Variants in TOGARAM2 observed in about 807,000 individuals in gnomAD.
TOGARAM2 encodes TOG array regulator of axonemal microtubules protein 2.
TOGARAM2 carries 85 observed loss-of-function variants against 93.3 expected under a neutral mutation model. That is an observed-to-expected ratio of 0.91 (90% CI 0.76 to 1.09). The LOEUF (loss-of-function observed/expected upper bound fraction) is 1.09, where lower values mean the gene tolerates loss of function less well. TOGARAM2 is among the 50% of genes least tolerant of loss of function. TOGARAM2 has a pLI of 0.00. For synonymous variants in TOGARAM2, 593 were observed against 552.8 expected (o/e 1.07, Z -1.02); for missense variants, 1,277 against 1,334.5 (o/e 0.96, Z 0.67).
At chr2:29,028,229 C>T (rs983663756) in intron 14 of TOGARAM2, among the ~76,000 whole-genome samples, 1 of 152,154 alleles carries the variant, frequency 6.6e-6, no homozygotes, top group African/African-American at 2.4e-5. Context: ...TGTCAGGGCT[C>T]CAGAGGCCAT....
chr2:29,052,023 AG>A lies in TOGARAM2; in HGVS notation c.2992del (p.Ala998ProfsTer?). The A allele has an allele frequency of 6.2e-7, 1 of 1,610,866 alleles. No homozygotes were observed. ...LDSESLGGSR[K>X]ATDRGVAPDS... ...TCAGAGTCCTTGGGAGGCAGCCGCA[AG>A]GCCACTGACAGAGGGGTGGCCCCTG... is the stretch of plus-strand genomic sequence containing the variant. On this transcript the variant is annotated frameshift_variant, in exon 20 of 20. Transcript: ENST00000379558. LOFTEE classifies it low-confidence loss of function (END_TRUNC).
intron 1 of TOGARAM2, among the ~76,000 whole-genome samples, chr2:28,986,361 C>T (rs1051903402): frequency 1.3e-5 from 2 of 152,252 alleles, no homozygotes; most frequent in Non-Finnish European, 2.9e-5. Context: ...GGCCCATCCA[C>T]CCCCAACCCG....
At chr2:28,997,562 G>C (rs1673054614) in intron 2 of TOGARAM2, among the ~76,000 whole-genome samples, 1 of 152,250 alleles carries the variant, frequency 6.6e-6, no homozygotes, top group Non-Finnish European at 1.5e-5. Flanking sequence ...GTCGCGGATA[G>C]AGGGTGTCTT....
intron 1 of TOGARAM2, among the ~76,000 whole-genome samples, chr2:28,957,338 G>T (rs1057034411): frequency 6.6e-6 from 1 of 151,876 alleles, no homozygotes; most frequent in African/African-American, 2.4e-5. Context: ...CCGCCACCAC[G>T]CCTGGCTCAT....
chr2:29,017,766 T>C (rs1168463146), intron 9 of TOGARAM2, 26 bp from the exon 10 acceptor site: 3 of 1,585,180 alleles, frequency 1.9e-6, no homozygotes, highest in Non-Finnish European at 2.6e-6. Flanking sequence ...ACCTGCCTAG[T>C]CCTAGGACTT....
At chr2:29,013,501 C>T (rs1214715493) in intron 7 of TOGARAM2, among the ~76,000 whole-genome samples, 1 of 152,202 alleles carries the variant, frequency 6.6e-6, no homozygotes, top group Non-Finnish European at 1.5e-5. Context: ...GGGACGCCAA[C>T]AGTGCAGCCT....
In TOGARAM2 at chr2:28,956,615, G is replaced by A. The variant is rs960151348; in HGVS notation, c.-229G>A. The A allele has an allele frequency of 6.6e-6, 1 of 152,162 alleles. No individual in the cohort carries two copies. Among genetic ancestry groups the A allele is most frequent in the Non-Finnish European group, 1.5e-5 (1 of 68,036 alleles). 9.4% of individuals were successfully genotyped at this position (152,162 alleles called of 1,614,324 possible). A position where few individuals can be genotyped will look rare whatever the true frequency, so the allele number is the denominator to read the frequency against. ...CCATTCCCTGATCGATAGATGCTTG[G>A]GGTGCTTCCTGTTTCTCAGTAAAGT... On this transcript the variant is annotated 5_prime_UTR_variant, in exon 1 of 7. Coordinates refer to the TOGARAM2 transcript ENST00000401723. This position sits in a 1 kb window ranked among gnomAD's most constrained non-coding sequence, Gnocchi z 4.5.
intron 1 of TOGARAM2, among the ~76,000 whole-genome samples, chr2:28,989,037 T>A (rs1242358564): frequency 6.6e-6 from 1 of 152,216 alleles, no homozygotes; most frequent in Non-Finnish European, 1.5e-5. Context: ...GGGCACTCTC[T>A]TGTGGTCAGG....
intron 1 of TOGARAM2, among the ~76,000 whole-genome samples, chr2:28,984,413 G>C (rs998040341): frequency 2.6e-5 from 4 of 152,180 alleles, no homozygotes; most frequent in African/African-American, 9.7e-5. Context: ...GCTTCTTGCA[G>C]GGAGGCCTTT....
chr2:28,969,488 A>G (rs1017427067), intron 1 of TOGARAM2, among the ~76,000 whole-genome samples: 6 of 152,232 alleles, frequency 3.9e-5, no homozygotes, highest in East Asian at 1.9e-4. Context: ...AGGAGGCCCA[A>G]TGGGACTTGG....
intron 18 of TOGARAM2, among the ~76,000 whole-genome samples, chr2:29,043,314 G>C (rs1666545827): frequency 6.6e-6 from 1 of 152,168 alleles, no homozygotes; most frequent in Non-Finnish European, 1.5e-5. Context: ...TTTCTCCTCT[G>C]TATCCCTCAG....
intron 10 of TOGARAM2, among the ~76,000 whole-genome samples, chr2:29,020,131 C>T (rs546208971): frequency 5.9e-5 from 9 of 152,300 alleles, no homozygotes; most frequent in South Asian, 2.1e-4. Context: ...AAGCTGATCC[C>T]GACTGGCTAC....
chr2:29,007,411 T>C (rs893522088), intron 6 of TOGARAM2, among the ~76,000 whole-genome samples: 1 of 152,122 alleles, frequency 6.6e-6, no homozygotes, highest in Admixed American at 6.5e-5. Context: ...CTCAGTGTCA[T>C]CTTTGACCCT....
At chr2:29,041,110 C>T (rs759986512) in intron 18 of TOGARAM2, among the ~76,000 whole-genome samples, 14 of 151,428 alleles carry the variant, frequency 9.2e-5, no homozygotes, top group South Asian at 2.1e-4. Flanking sequence ...CTGCAACCTC[C>T]GCCTCCTGGG....
intron 1 of TOGARAM2, among the ~76,000 whole-genome samples, chr2:28,963,283 C>A (rs1327839988): frequency 3.3e-5 from 5 of 152,108 alleles, no homozygotes; most frequent in Admixed American, 3.3e-4. Context: ...TAATTTTGTT[C>A]TAAGAGAACA....
intron 6 of TOGARAM2, among the ~76,000 whole-genome samples, chr2:29,006,412 T>G (rs1222291493): frequency 5.3e-5 from 5 of 94,586 alleles, no homozygotes; most frequent in Admixed American, 1.2e-4. Context: ...GCATGTGTGT[T>G]CATGTGTATC....
At chr2:29,024,413 G>A in intron 13 of TOGARAM2, 39 bp downstream of exon 13, 1 of 1,560,104 alleles carries the variant, frequency 6.4e-7, no homozygotes, top group South Asian at 1.2e-5. Context: ...GGGGAAGTCA[G>A]GGAAGGTAAG....
At chr2:28,997,510 C>T (rs1673051942) in intron 2 of TOGARAM2, among the ~76,000 whole-genome samples, 1 of 152,196 alleles carries the variant, frequency 6.6e-6, no homozygotes, top group African/African-American at 2.4e-5. Flanking sequence ...CAGCCTTGCC[C>T]ACTACTGTCT....
chr2:29,041,816 A>G (rs1017319423), intron 18 of TOGARAM2, among the ~76,000 whole-genome samples: 3 of 151,894 alleles, frequency 2.0e-5, no homozygotes, highest in African/African-American at 7.3e-5. Context: ...AGCTTTTAAA[A>G]ATTAGATTCT....
Sources: gnomAD v4.1 joint callset for allele counts (sites outside exome capture counted in the v4.1 genomes callset) on GRCh38, gnomAD v4.1.1 for gene constraint, Gnocchi (gnomAD v3.1) non-coding constraint, MANE v1.5 for transcripts, NCBI Gene and HGNC (gene_info 2026-07-23, HGNC 2026-07-21) for gene names.